Variants in TLK1 observed in about 807,000 individuals in gnomAD.
TLK1 encodes serine/threonine-protein kinase tousled-like 1.
TLK1 carries 24 observed loss-of-function variants against 105.3 expected under a neutral mutation model. The observed-to-expected ratio is 0.23, with a 90% CI of 0.17 to 0.32. The LOEUF (loss-of-function observed/expected upper bound fraction) is 0.32, where lower values mean the gene tolerates loss of function less well. Ranked by LOEUF, TLK1 falls within the 10% of genes least tolerant of loss-of-function variation. The pLI, the probability that TLK1 is intolerant of heterozygous loss-of-function variation, is 1.00. For missense variants in TLK1, 558 were observed against 910.5 expected (o/e 0.61, Z 4.98); for synonymous variants, 321 against 310.4 (o/e 1.03, Z -0.36).
At position 170,996,639 on chromosome 2, in the gene TLK1, C is replaced by T; in HGVS notation, c.2124+14G>A. ...AAAGTTACTTCACAAAACTCATTTA[C>T]AAAAATTTAATACCTTGGCTTCACT... On this transcript the variant is annotated intron_variant, in intron 20 of 20. Coordinates refer to ENST00000431350, the MANE Select transcript of TLK1 (RefSeq NM_012290.5). 1 of 1,600,466 alleles carries T rather than the reference C, an allele frequency of 6.2e-7. No individual in the cohort carries two copies. Among genetic ancestry groups the T allele is most frequent in the Non-Finnish European group, 8.5e-7 (1 of 1,174,522 alleles).
At chr2:171,154,185 C>A (rs1440801555) in intron 1 of TLK1, among the ~76,000 whole-genome samples, 1 of 151,922 alleles carries the variant, frequency 6.6e-6, no homozygotes, top group Non-Finnish European at 1.5e-5. Context: ...TAGCACCTCG[C>A]CTGATGATAT....
intron 1 of TLK1, among the ~76,000 whole-genome samples, chr2:171,150,172 G>A (rs1019914922): frequency 6.6e-6 from 1 of 152,060 alleles, no homozygotes; most frequent in African/African-American, 2.4e-5. Context: ...CCTCATGCCT[G>A]CTGTTGGTAT....
intron 1 of TLK1, among the ~76,000 whole-genome samples, chr2:171,118,594 G>C (rs1340930886): frequency 6.6e-6 from 1 of 152,076 alleles, no homozygotes; most frequent in Admixed American, 6.5e-5. Context: ...TTAACACCCT[G>C]ATGTTATTGT....
chr2:171,157,363 C>T (rs914242314), intron 1 of TLK1, among the ~76,000 whole-genome samples: 1 of 152,138 alleles, frequency 6.6e-6, no homozygotes, highest in Non-Finnish European at 1.5e-5. Context: ...TTTAACTCGT[C>T]ACTCCCTTAA....
intron 2 of TLK1, among the ~76,000 whole-genome samples, chr2:171,102,483 TTCTA>T (rs1179762493): frequency 2.6e-5 from 4 of 152,180 alleles, no homozygotes; most frequent in African/African-American, 4.8e-5. Flanking sequence ...TTACCCTTCT[TTCTA>T]TCTGAGAGTC....
At chr2:171,117,038 C>T (rs182841438) in intron 2 of TLK1, among the ~76,000 whole-genome samples, 123 of 152,256 alleles carry the variant, frequency 8.1e-4, no homozygotes, top group South Asian at 1.7e-3. Flanking sequence ...CACTGAAAGG[C>T]TGAACACAGC....
At chr2:171,142,209 A>T (rs1691605804) in intron 1 of TLK1, among the ~76,000 whole-genome samples, 1 of 152,194 alleles carries the variant, frequency 6.6e-6, no homozygotes. Flanking sequence ...AACAAAAAAT[A>T]ATAATAATCC....
intron 1 of TLK1, among the ~76,000 whole-genome samples, chr2:171,184,704 A>T (rs1458451103): frequency 6.6e-6 from 1 of 152,160 alleles, no homozygotes; most frequent in East Asian, 1.9e-4. Flanking sequence ...TCTAAAAAAA[A>T]TTCCATTCAT....
At chr2:171,119,353 TCCC>T (rs1439744342) in intron 1 of TLK1, among the ~76,000 whole-genome samples, 1 of 152,144 alleles carries the variant, frequency 6.6e-6, no homozygotes, top group Non-Finnish European at 1.5e-5. Flanking sequence ...CCACACCTGT[TCCC>T]CCCACCACCT....
chr2:171,149,315 C>T (rs1691936742), intron 1 of TLK1, among the ~76,000 whole-genome samples: 1 of 152,048 alleles, frequency 6.6e-6, no homozygotes. Flanking sequence ...CATTCAATTT[C>T]ACAACCTTGT....
chr2:171,170,856 C>A (rs1692713607), intron 1 of TLK1, among the ~76,000 whole-genome samples: 1 of 152,138 alleles, frequency 6.6e-6, no homozygotes, highest in Non-Finnish European at 1.5e-5. Flanking sequence ...TACTACTTTT[C>A]ATCAATTAAA....
At chr2:171,043,002 T>C (rs112407455) in intron 11 of TLK1, among the ~76,000 whole-genome samples, 3 of 151,270 alleles carry the variant, frequency 2.0e-5, no homozygotes, top group African/African-American at 4.9e-5. Flanking sequence ...TGGTGAGACA[T>C]GAAAAATAGT....
chr2:171,124,992 A>G (rs1690810441), intron 1 of TLK1, among the ~76,000 whole-genome samples: 1 of 152,256 alleles, frequency 6.6e-6, no homozygotes, highest in South Asian at 2.1e-4. Context: ...ATGTTGCTTC[A>G]AATGTCCTCA....
At chr2:171,080,239 C>T (rs922294393) in intron 3 of TLK1, among the ~76,000 whole-genome samples, 2 of 150,530 alleles carry the variant, frequency 1.3e-5, no homozygotes, top group Non-Finnish European at 3.0e-5. Context: ...GTACTATTTG[C>T]TCCCAAAACC....
rs575395195 is a variant in TLK1 at position 171,024,243 on chromosome 2, A to T, written c.1236+4096T>A. On this transcript the variant is annotated intron_variant, in intron 12 of 20. Coordinates refer to ENST00000431350, the MANE Select transcript of TLK1 (RefSeq NM_012290.5). ...CTAAGAATTCCTTAAGATATATTTT[A>T]AAATTATTTGAGTTTTTATTTAAAA... Among the ~76,000 whole-genome samples the T allele has an allele frequency of 1.6e-4, 24 of 152,248 alleles. No homozygotes were observed. The East Asian group carries it at 4.6e-3, about 29-fold the overall frequency.
chr2:171,228,873 T>C (rs1693944025), intron 1 of TLK1, among the ~76,000 whole-genome samples: 1 of 152,234 alleles, frequency 6.6e-6, no homozygotes, highest in Non-Finnish European at 1.5e-5. Context: ...GCATGTAGGA[T>C]AACCTTTCTG....
chr2:171,171,532 G>T (rs1420856793), intron 1 of TLK1, among the ~76,000 whole-genome samples: 1 of 150,334 alleles, frequency 6.7e-6, no homozygotes, highest in Non-Finnish European at 1.5e-5. Flanking sequence ...GACAGTGAAG[G>T]CAAACACAGA....
At chr2:171,119,766 C>T (rs1183431573) in intron 1 of TLK1, among the ~76,000 whole-genome samples, 2 of 152,038 alleles carry the variant, frequency 1.3e-5, no homozygotes, top group South Asian at 2.1e-4. Context: ...ACTGGATATC[C>T]ACATGCAAAT....
chr2:171,225,900 A>G (rs2105333148), intron 1 of TLK1, among the ~76,000 whole-genome samples: 1 of 152,274 alleles, frequency 6.6e-6, no homozygotes, highest in African/African-American at 2.4e-5. Context: ...ACCAACATCT[A>G]GGTGTGCTTA....
Sources: gnomAD v4.1 joint callset for allele counts (sites outside exome capture counted in the v4.1 genomes callset) on GRCh38, gnomAD v4.1.1 for gene constraint, MANE v1.5 for transcripts, NCBI Gene and HGNC (gene_info 2026-07-23, HGNC 2026-07-21) for gene names.